Variants in ADAMTS9 observed in about 807,000 individuals in gnomAD.
ADAMTS9 encodes the protein ADAM metallopeptidase with thrombospondin type 1 motif 9.
ADAMTS9 carries 107 observed loss-of-function variants against 257.1 expected under a neutral mutation model. The ratio of observed to expected loss-of-function variants is 0.42; its 90% CI spans 0.36 to 0.49. The LOEUF is 0.49. Ranked by LOEUF, ADAMTS9 falls within the 20% of genes least tolerant of loss-of-function variation. The probability of loss-of-function intolerance (pLI) is 0.03; values close to 1 mark genes in which losing one functional copy is unlikely to be tolerated. For missense variants in ADAMTS9, 2,353 were observed against 2,469.1 expected (o/e 0.95, Z 1.00); for synonymous variants, 982 against 880.9 (o/e 1.11, Z -2.03).
intron 31 of ADAMTS9, 121 bp downstream of exon 31, chr3:64,550,771 G>A (rs1204351497): frequency 8.0e-7 from 1 of 1,243,736 alleles, no homozygotes; most frequent in Non-Finnish European, 1.1e-6. Flanking sequence ...ACAGTTCACA[G>A]TGGCAAATCG....
At chr3:64,596,734 G>C (rs1413992724) in intron 27 of ADAMTS9, 96 bp downstream of exon 27, 5 of 1,454,846 alleles carry the variant, frequency 3.4e-6, no homozygotes, top group Non-Finnish European at 4.7e-6. Flanking sequence ...GCTTCTACTA[G>C]AGCTAGTTCT....
Position 64,656,022 on chromosome 3 carries a change from C to T in ADAMTS9, c.970-147G>A, listed in dbSNP as rs7615771. 0.28 allele frequency: 153,632 copies of T among 546,630 alleles called. 22,834 individuals are homozygous for T. The highest frequency in any genetic ancestry group is 0.34 in the African/African-American group (17,652 of 52,126). The allele number at this position is 546,630 out of a possible 1,614,324, so 33.9% of individuals were successfully genotyped here. A position where few individuals can be genotyped will look rare whatever the true frequency, so the allele number is the denominator to read the frequency against. On this transcript the variant is annotated intron_variant, in intron 4 of 39. Transcript: ENST00000498707. ...TGTGAATTTTTCATTCACTCAACAA[C>T]ACTTTTTGTAAAGTCTCTTCATAAA...
At position 64,596,890 on chromosome 3, in the gene ADAMTS9, A is replaced by C. The variant is rs777686718; in HGVS notation, c.4119T>G (p.Asp1373Glu). Residue 1373 changes from aspartate (D) to glutamate (E), a missense_variant, in exon 27 of 40, where the codon GAT (aspartate) becomes GAG (glutamate). Physicochemically the swap from Asp to Glu is conservative, Grantham distance 45 (BLOSUM62 2). This residue lies in a region of ADAMTS9 where 1,402 missense variants were observed against 1,441.4 expected (regional missense o/e 0.97). Transcript: ENST00000498707. ...ANDCVERIKPDEQRACESGPC... is the reference protein window; with the variant it reads ...ANDCVERIKPEEQRACESGPC... The stretch of plus-strand genomic sequence containing the variant: ...GGCCGGATTCACAGGCTCTTTGCTC[A>C]TCAGGTTTTATTCTCTCCACACAGT... The C allele has an allele frequency of 6.2e-7, 1 of 1,614,052 alleles. No individual in the cohort carries two copies.
chr3:64,563,817 T>C (rs777416033), intron 29 of ADAMTS9, among the ~76,000 whole-genome samples: 1 of 152,248 alleles, frequency 6.6e-6, no homozygotes, highest in Non-Finnish European at 1.5e-5. Context: ...AGCCTGCCTT[T>C]CTGAATAATG....
intron 26 of ADAMTS9, 47 bp from the exon 27 acceptor site, chr3:64,597,038 T>C: frequency 1.9e-6 from 3 of 1,607,502 alleles, no homozygotes; most frequent in Non-Finnish European, 2.6e-6. Flanking sequence ...ATCTCCATCT[T>C]AGGGACACAG....
intron 14 of ADAMTS9, among the ~76,000 whole-genome samples, chr3:64,633,013 G>A (rs1343010444): frequency 2.0e-5 from 3 of 152,102 alleles, no homozygotes. Flanking sequence ...TTAATTAACA[G>A]GAATGTCTCA....
chr3:64,582,805 T>C (rs1228853883), intron 28 of ADAMTS9: 1 of 152,152 alleles, frequency 6.6e-6, no homozygotes, highest in Non-Finnish European at 1.5e-5. Flanking sequence ...CATGGAACAC[T>C]TTATGTACTG....
intron 11 of ADAMTS9, among the ~76,000 whole-genome samples, chr3:64,647,661 T>C (rs1024062949): frequency 6.6e-6 from 1 of 152,218 alleles, no homozygotes; most frequent in Non-Finnish European, 1.5e-5. Context: ...CACACTGTAA[T>C]TTTAGAAATG....
At chr3:64,533,744 C>T (rs550858249) in intron 37 of ADAMTS9, among the ~76,000 whole-genome samples, 2 of 152,348 alleles carry the variant, frequency 1.3e-5, no homozygotes, top group East Asian at 3.9e-4. Flanking sequence ...ACACCGCGTA[C>T]TAAGCACAGC....
At chr3:64,557,197 T>C (rs562750699) in intron 30 of ADAMTS9, among the ~76,000 whole-genome samples, 1 of 152,174 alleles carries the variant, frequency 6.6e-6, no homozygotes, top group South Asian at 2.1e-4. Flanking sequence ...GGTGGTCTTA[T>C]GATGAAGAGG....
At chr3:64,576,433 G>C (rs144867058) in intron 28 of ADAMTS9, among the ~76,000 whole-genome samples, 1 of 152,152 alleles carries the variant, frequency 6.6e-6, no homozygotes, top group Non-Finnish European at 1.5e-5. Flanking sequence ...CTCACTCAGG[G>C]GAGGTTTTAC....
intron 39 of ADAMTS9, among the ~76,000 whole-genome samples, chr3:64,520,609 T>C (rs1036298979): frequency 1.3e-5 from 2 of 151,858 alleles, no homozygotes; most frequent in Non-Finnish European, 2.9e-5. Context: ...ACACAAAAAT[T>C]AATGGAACAG....
chr3:64,578,356 A>T (rs2083909700), intron 28 of ADAMTS9, among the ~76,000 whole-genome samples: 1 of 152,122 alleles, frequency 6.6e-6, no homozygotes, highest in Non-Finnish European at 1.5e-5. Context: ...ACCAGATAAA[A>T]TGTAAATGGC....
chr3:64,662,066 A>C (rs903037909), intron 3 of ADAMTS9, among the ~76,000 whole-genome samples: 1 of 151,846 alleles, frequency 6.6e-6, no homozygotes, highest in Non-Finnish European at 1.5e-5. Context: ...TACAGCTCTA[A>C]AGTTTCTTCT....
chr3:64,545,901 A>G (rs1314124477), intron 32 of ADAMTS9, among the ~76,000 whole-genome samples: 1 of 152,166 alleles, frequency 6.6e-6, no homozygotes, highest in African/African-American at 2.4e-5. Context: ...TGGCTGCCTG[A>G]CAACTTTTCA....
intron 26 of ADAMTS9, among the ~76,000 whole-genome samples, 194 bp from the exon 27 acceptor site, chr3:64,597,185 C>A (rs1424392206): frequency 3.3e-5 from 5 of 152,174 alleles, no homozygotes; most frequent in Admixed American, 2.0e-4. Flanking sequence ...TATAGACACA[C>A]CTGGAGGGCA....
In ADAMTS9 at chr3:64,613,333, C is replaced by A. The variant is rs115182336; in HGVS notation, c.3354+12G>T. The A allele has an allele frequency of 2.5e-6, 4 of 1,611,598 alleles. No individual in the cohort carries two copies. Among genetic ancestry groups the A allele is most frequent in the African/African-American group, 1.3e-5 (1 of 74,844 alleles). The stretch of plus-strand genomic sequence containing the variant: ...AGAATGTAGCAGTTAAGAATCTTAT[C>A]GTTCAAAATACCTGTCCCCAGGGAC... On this transcript the variant is annotated intron_variant, in intron 22 of 39. Coordinates refer to ENST00000498707, the MANE Select transcript of ADAMTS9 (RefSeq NM_182920.2).
chr3:64,583,684 G>A (rs908721315), intron 28 of ADAMTS9: 2 of 152,098 alleles, frequency 1.3e-5, no homozygotes, highest in Admixed American at 6.6e-5. Context: ...TCCCAATTGA[G>A]AACTATTGAA....
chr3:64,633,980 A>C (rs531114499), intron 12 of ADAMTS9, 101 bp from the exon 13 acceptor site: 1 of 1,135,340 alleles, frequency 8.8e-7, no homozygotes, highest in Admixed American at 2.5e-5. Flanking sequence ...AGAGAAGTAA[A>C]TCTAGGGTGG....
Sources: allele counts gnomAD v4.1 joint callset (sites outside exome capture counted in the v4.1 genomes callset), GRCh38; gene constraint gnomAD v4.1.1; regional missense constraint gnomAD v4.1.1; transcripts MANE v1.5; gene names NCBI Gene and HGNC (gene_info 2026-07-23, HGNC 2026-07-21).